DLGAP1: variants seen among roughly 807,000 people sequenced by gnomAD.
DLGAP1 encodes DLG associated protein 1.
DLGAP1 carries 11 observed loss-of-function variants against 90.8 expected under a neutral mutation model. The ratio of observed to expected loss-of-function variants is 0.12; its 90% CI spans 0.08 to 0.20. The LOEUF (loss-of-function observed/expected upper bound fraction) is 0.20, where lower values mean the gene tolerates loss of function less well. DLGAP1 is among the 10% of genes least tolerant of loss of function. The probability of loss-of-function intolerance (pLI) is 1.00; values close to 1 mark genes in which losing one functional copy is unlikely to be tolerated. For synonymous variants in DLGAP1, 558 were observed against 540.7 expected (o/e 1.03, Z -0.44); for missense variants, 1,050 against 1,333.8 (o/e 0.79, Z 3.31).
chr18:3,863,077 A>C (rs1369393593), intron 4 of DLGAP1, among the ~76,000 whole-genome samples: 1 of 152,260 alleles, frequency 6.6e-6, no homozygotes, highest in African/African-American at 2.4e-5. Context: ...GGAAATGTTG[A>C]TTGAGGGATT....
intron 4 of DLGAP1, among the ~76,000 whole-genome samples, chr18:3,870,511 C>T (rs1276184057): frequency 6.6e-6 from 1 of 152,144 alleles, no homozygotes; most frequent in African/African-American, 2.4e-5. Context: ...AGATTTGCTG[C>T]AGTTGCTCCC....
At position 4,454,406 on chromosome 18, in the gene DLGAP1, T is replaced by TTCTCTCTATCTC. The variant is rs112338095; in HGVS notation, c.-267+599_-267+600insGAGATAGAGAGA. Among the ~76,000 whole-genome samples, 53,843 of 150,470 alleles carry TTCTCTCTATCTC rather than the reference T, an allele frequency of 0.36. 9,997 individuals are homozygous for TTCTCTCTATCTC. The highest frequency in any genetic ancestry group is 0.42 in the Non-Finnish European group (28,586 of 67,418). On this transcript the variant is annotated intron_variant, in intron 1 of 12. Coordinates refer to ENST00000315677, the MANE Select transcript of DLGAP1 (RefSeq NM_004746.4). This position sits in a 1 kb window ranked among gnomAD's most constrained non-coding sequence, Gnocchi z 4.7. ...CAGTGACCTCCTCCTTGGACCCCATTTCTCTCTCTCTCTCTCTCTCTGTGC... is the reference window on the plus strand; with the variant it reads ...CAGTGACCTCCTCCTTGGACCCCATTTCTCTCTATCTCTCTCTCTCTCTCTCTCTCTCTGTGC...
intron 1 of DLGAP1, among the ~76,000 whole-genome samples, chr18:4,185,784 T>C (rs1050441988): frequency 2.0e-5 from 3 of 152,126 alleles, no homozygotes; most frequent in South Asian, 2.1e-4. Flanking sequence ...CGATTTGTAT[T>C]CCATTGGGTA....
chr18:4,249,701 C>A (rs957451349), intron 1 of DLGAP1, among the ~76,000 whole-genome samples: 16 of 152,154 alleles, frequency 1.1e-4, no homozygotes, highest in African/African-American at 3.9e-4. Context: ...AATCGTCTCA[C>A]CTCAGCCTTC....
chr18:3,947,299 C>A (rs2072895890), intron 3 of DLGAP1, among the ~76,000 whole-genome samples: 1 of 152,328 alleles, frequency 6.6e-6, no homozygotes, highest in East Asian at 1.9e-4. Flanking sequence ...TCTTTAGTTA[C>A]CTTAACCACA....
chr18:4,014,463 G>A (rs949962850), intron 2 of DLGAP1, among the ~76,000 whole-genome samples: 1 of 152,126 alleles, frequency 6.6e-6, no homozygotes, highest in Non-Finnish European at 1.5e-5. Flanking sequence ...CAGATAAAAG[G>A]AATGTGTCCT....
intron 4 of DLGAP1, among the ~76,000 whole-genome samples, chr18:3,869,741 C>T (rs142653518): frequency 2.0e-5 from 3 of 152,140 alleles, no homozygotes; most frequent in Non-Finnish European, 4.4e-5. Flanking sequence ...CCAATGCCAG[C>T]TTAATAAAAA....
chr18:3,502,392 T>C (rs751242674), intron 12 of DLGAP1, 101 bp downstream of exon 12: 1 of 1,537,572 alleles, frequency 6.5e-7, no homozygotes, highest in South Asian at 1.3e-5. Context: ...TCAGCTCCAT[T>C]TCACATTGTA....
At chr18:4,399,844 C>A (rs962489605) in intron 1 of DLGAP1, among the ~76,000 whole-genome samples, 2 of 152,168 alleles carry the variant, frequency 1.3e-5, no homozygotes. Context: ...TTTCCCAAGA[C>A]CTGCCTTCTC....
At chr18:4,276,203 CAG>C (rs1313717633) in intron 1 of DLGAP1, among the ~76,000 whole-genome samples, 7 of 146,948 alleles carry the variant, frequency 4.8e-5, no homozygotes, top group East Asian at 2.0e-4. Context: ...GGGCAGGAGA[CAG>C]GGGGAGGCAT....
chr18:3,766,214 TA>T lies in DLGAP1; in HGVS notation c.1173-23703del, dbSNP rs569780680. ...GTATCAGATAAAGTACACTACAAAG[TA>T]AAAAAAGTCAGAGATAGGGAAGTAC... On this transcript the variant is annotated intron_variant, in intron 5 of 12. Coordinates refer to ENST00000315677, the MANE Select transcript of DLGAP1 (RefSeq NM_004746.4). Among the ~76,000 whole-genome samples the T allele has an allele frequency of 3.3e-3, 502 of 151,970 alleles. 5 individuals carry two copies. Among genetic ancestry groups the T allele is most frequent in the African/African-American group, 0.011 (450 of 41,434 alleles).
intron 11 of DLGAP1, among the ~76,000 whole-genome samples, chr18:3,508,038 G>A (rs1322075220): frequency 2.0e-5 from 3 of 152,142 alleles, no homozygotes; most frequent in Non-Finnish European, 2.9e-5. Flanking sequence ...CGCCCAGCCT[G>A]TTTTGCTTTG....
At chr18:3,546,827 C>T (rs2053056947) in intron 9 of DLGAP1, among the ~76,000 whole-genome samples, 1 of 151,948 alleles carries the variant, frequency 6.6e-6, no homozygotes, top group South Asian at 2.1e-4. Context: ...AGAGCGAATG[C>T]AGCTCAAGGT....
intron 1 of DLGAP1, among the ~76,000 whole-genome samples, chr18:4,201,258 T>C (rs986826920): frequency 2.0e-5 from 3 of 152,160 alleles, no homozygotes; most frequent in African/African-American, 4.8e-5. Context: ...CAGAAGTTTT[T>C]ATGATTTTAG....
intron 4 of DLGAP1, among the ~76,000 whole-genome samples, chr18:3,865,036 A>T (rs112031733): frequency 0.011 from 1,639 of 152,154 alleles, 19 homozygotes; most frequent in Middle Eastern, 0.054. Context: ...GTAGGCTGAG[A>T]GATAACCATC....
chr18:3,879,330 C>A lies in DLGAP1; in HGVS notation c.739G>T (p.Ala247Ser). The stretch of plus-strand genomic sequence containing the variant: ...TTGTTGCTCCGGGAGGCCTTCACCG[C>A]CTGCTCGCTGATGGTGTTGTAGGCC... ...LEAYNTISEQAVKASRSNNDV... is the reference protein window; with the variant it reads ...LEAYNTISEQSVKASRSNNDV... Residue 247 changes from alanine to serine, a missense_variant, in exon 4 of 13, where the codon GCG becomes TCG. Transcript: ENST00000315677. This position sits in a 1 kb window ranked among gnomAD's most constrained non-coding sequence, Gnocchi z 6.6. The A allele has an allele frequency of 3.1e-6, 5 of 1,605,716 alleles. No individual in the cohort carries two copies. The highest frequency in any genetic ancestry group is 4.3e-6 in the Non-Finnish European group (5 of 1,175,552).
intron 3 of DLGAP1, among the ~76,000 whole-genome samples, chr18:3,897,512 A>G (rs536879779): frequency 1.3e-5 from 2 of 152,330 alleles, no homozygotes; most frequent in East Asian, 1.9e-4. Context: ...CTTCATGACA[A>G]TTATATTCTT....
intron 7 of DLGAP1, chr18:3,721,523 T>G (rs890714920): frequency 6.6e-6 from 1 of 152,198 alleles, no homozygotes; most frequent in Non-Finnish European, 1.5e-5. Context: ...TTTTTTCATC[T>G]TTTTCTTTAA....
At chr18:3,725,444 C>T (rs910330842) in intron 7 of DLGAP1, among the ~76,000 whole-genome samples, 2 of 152,124 alleles carry the variant, frequency 1.3e-5, no homozygotes, top group Non-Finnish European at 2.9e-5. Context: ...GTATTTCCAG[C>T]ATCAAGTTCT....
Sources: gnomAD v4.1 joint callset for allele counts (sites outside exome capture counted in the v4.1 genomes callset) on GRCh38, gnomAD v4.1.1 for gene constraint, Gnocchi (gnomAD v3.1) non-coding constraint, MANE v1.5 for transcripts, NCBI Gene and HGNC (gene_info 2026-07-23, HGNC 2026-07-21) for gene names.